PARP15: variants seen among roughly 807,000 people sequenced by gnomAD.
PARP15 encodes the protein poly(ADP-ribose) polymerase family member 15.
A neutral mutation model predicts 62.1 loss-of-function variants in PARP15; 50 were observed. That is an observed-to-expected ratio of 0.81 (90% CI 0.64 to 1.02). PARP15 has a LOEUF of 1.02. PARP15 is among the 50% of genes least tolerant of loss of function. The pLI is 0.00. For synonymous variants in PARP15, 309 were observed against 293.1 expected, an observed-to-expected ratio of 1.05 and a Z score of -0.55; for missense variants, 820 against 826.5, an observed-to-expected ratio of 0.99 and a Z score of 0.10.
At chr3:122,598,602 A>C (rs1934539029) in intron 1 of PARP15, among the ~76,000 whole-genome samples, 1 of 152,194 alleles carries the variant, frequency 6.6e-6, no homozygotes, top group African/African-American at 2.4e-5. Context: ...AGAGCGCAGA[A>C]AGCTGCAGTG....
Position 122,626,900 on chromosome 3 carries a change from T to A in PARP15, c.1305T>A (p.His435Gln), listed in dbSNP as rs760610968. Residue 435 changes from histidine to glutamine, a missense_variant, in exon 9 of 12, where the codon CAT becomes CAA. Physicochemically the swap from His to Gln is conservative, Grantham distance 24. Around this residue, in one of 3 missense-constraint regions of PARP15, gnomAD observed 731 missense variants for 727.7 expected, o/e 1.00. Transcript: ENST00000464300. ...IDAIVDFSSQ[H>Q]STPSLKTVKV... ...CTATTGTAGACTTCTCATCACAACA[T>A]TCCACCCCATCATTAAAAACAGTTA... 6.2e-7 allele frequency: 1 copy of A among 1,614,102 alleles called. No individual in the cohort carries two copies. Among genetic ancestry groups the A allele is most frequent in the Non-Finnish European group, 8.5e-7 (1 of 1,179,982 alleles).
chr3:122,594,908 T>G (rs1934215820), intron 1 of PARP15: 1 of 958,790 alleles, frequency 1.0e-6, no homozygotes, highest in South Asian at 4.8e-5. Flanking sequence ...ATCCCAAAAA[T>G]GGAAGAGAAA....
chr3:122,577,863 G>A lies in PARP15; in HGVS notation c.186+10G>A, dbSNP rs768769981. The A allele has an allele frequency of 1.3e-6, 2 of 1,537,322 alleles. No individual in the cohort carries two copies. Among genetic ancestry groups the A allele is most frequent in the African/African-American group, 1.4e-5 (1 of 72,778 alleles). ...TTCCTCCCGGAGTATGGTGAGGAGC[G>A]CGGGGGACGGGTGCGGGAAGGGGAC... On this transcript the variant is annotated intron_variant, in intron 1 of 11. Transcript: ENST00000464300.
Position 122,636,040 on chromosome 3 carries a change from A to G in PARP15, c.1977A>G (p.Leu659=), listed in dbSNP as rs765328470. 6.2e-7 allele frequency: 1 copy of G among 1,614,080 alleles called. No homozygotes were observed. The highest frequency in any genetic ancestry group is 1.7e-5 in the Admixed American group (1 of 60,004). ...CAAACAATACACGATCTCCAAAGCTATTTGTGGTATTCTTTGATAATCAGG... is the reference window on the plus strand; with the variant it reads ...CAAACAATACACGATCTCCAAAGCTGTTTGTGGTATTCTTTGATAATCAGG... ...SVTNNTRSPK[L]FVVFFDNQAY... is the part of the protein sequence containing the mutation. The change falls in exon 12 of 12, where the codon CTA becomes CTG. Residue 659 remains leucine, a synonymous_variant. Coordinates refer to ENST00000464300, the MANE Select transcript of PARP15 (RefSeq NM_001113523.3).
intron 1 of PARP15, among the ~76,000 whole-genome samples, chr3:122,591,792 A>C (rs1933947669): frequency 6.8e-6 from 1 of 146,814 alleles, no homozygotes; most frequent in Non-Finnish European, 1.5e-5. Context: ...GGTATTGATA[A>C]GACAGACTAT....
chr3:122,610,544 A>G lies in PARP15; in HGVS notation c.357A>G (p.Gly119=). 1 of 1,551,684 alleles carries G rather than the reference A, an allele frequency of 6.4e-7. No individual in the cohort carries two copies. The highest frequency in any genetic ancestry group is 2.0e-5 in the Admixed American group (1 of 50,998). The change falls in exon 3 of 12, where the codon GGA becomes GGG. Residue 119 remains glycine (G), a synonymous_variant. Coordinates refer to ENST00000464300, the MANE Select transcript of PARP15 (RefSeq NM_001113523.3). The part of the protein sequence containing the change: ...SVPMNLQLGG[G]PLSRAFLQKA... ...CCATGAATCTTCAGCTTGGAGGAGG[A>G]CCACTATCTCGGGCATTTTTGCAGA...
chr3:122,610,584 C>T lies in PARP15; in HGVS notation c.397C>T (p.Leu133Phe). ...ATTTTTGCAGAAAGCTGGTCCCATG[C>T]TCCAGAAAGAGTTAGATGACAGAAG... ...RAFLQKAGPM[L>F]QKELDDRRRE... is the part of the protein sequence containing the mutation. The change falls in exon 3 of 12, where the codon CTC (leucine) becomes TTC (phenylalanine). Residue 133 changes from leucine to phenylalanine, a missense_variant. By Grantham distance (22) the Leu-to-Phe change is conservative (BLOSUM62 0). Coordinates refer to ENST00000464300, the MANE Select transcript of PARP15 (RefSeq NM_001113523.3). The T allele has an allele frequency of 1.3e-6, 2 of 1,551,714 alleles. No homozygotes were observed. The highest frequency in any genetic ancestry group is 1.7e-6 in the Non-Finnish European group (2 of 1,147,012).
intron 6 of PARP15, among the ~76,000 whole-genome samples, chr3:122,617,821 C>T (rs1936085167): frequency 3.3e-5 from 5 of 152,334 alleles, no homozygotes; most frequent in South Asian, 4.1e-4. Context: ...CTCTGCCTCC[C>T]GGGTTCAAGT....
chr3:122,627,339 G>A (rs1936799691), intron 9 of PARP15, among the ~76,000 whole-genome samples: 1 of 152,150 alleles, frequency 6.6e-6, no homozygotes, highest in Non-Finnish European at 1.5e-5. Context: ...TTATTGATTG[G>A]TTGGTATTGA....
intron 2 of PARP15, among the ~76,000 whole-genome samples, chr3:122,609,878 C>T (rs1935441222): frequency 6.6e-6 from 1 of 152,240 alleles, no homozygotes; most frequent in East Asian, 1.9e-4. Context: ...ACCAAAGGAA[C>T]AGCCTTAGCA....
intron 2 of PARP15, among the ~76,000 whole-genome samples, chr3:122,607,503 C>A (rs1013305020): frequency 6.6e-6 from 1 of 152,130 alleles, no homozygotes; most frequent in Non-Finnish European, 1.5e-5. Context: ...AACCACTTAT[C>A]CCCTGCCTTG....
At position 122,613,112 on chromosome 3, in the gene PARP15, C is replaced by A; in HGVS notation, c.615C>A (p.Pro205=). 6.4e-7 allele frequency: 1 copy of A among 1,551,774 alleles called. No homozygotes were observed. The highest frequency in any genetic ancestry group is 1.2e-5 in the South Asian group (1 of 84,052). Reference sequence around the variant, plus strand: ...TATCTTTCTCATCAATCACATTTCCCATGATTGGAACAGGAAGTTTGCAGT... The same window carrying A: ...TATCTTTCTCATCAATCACATTTCCAATGATTGGAACAGGAAGTTTGCAGT... ...EVLSFSSITF[P]MIGTGSLQFP... is the part of the protein sequence containing the mutation. Residue 205 remains proline (P), a synonymous_variant, in exon 4 of 12, where the codon CCC becomes CCA. Transcript: ENST00000464300.
In PARP15 at chr3:122,602,698, A is replaced by T. The variant is rs192331885; in HGVS notation, c.187-3238A>T. Reference sequence around the variant, plus strand: ...AGAGGTTATTTTGAATTGCTCCTGCATTGTTGCTTGTATTTATTGAATCTC... The same window carrying T: ...AGAGGTTATTTTGAATTGCTCCTGCTTTGTTGCTTGTATTTATTGAATCTC... On this transcript the variant is annotated intron_variant, in intron 1 of 11. Transcript: ENST00000464300. Among the ~76,000 whole-genome samples, 140 of 152,288 alleles carry T rather than the reference A, an allele frequency of 9.2e-4. 1 individual carries two copies. In the East Asian group the frequency reaches 0.012, roughly 13 times the overall value.
rs529405973 is a variant in PARP15 at position 122,621,677 on chromosome 3, C to A, written c.1231+66C>A. 19 of 1,431,866 alleles carry A rather than the reference C, an allele frequency of 1.3e-5. No homozygotes were observed. In the South Asian group the frequency reaches 2.3e-4, roughly 18 times the overall value. The allele number at this position is 1,431,866 out of a possible 1,614,324, so 88.7% of individuals were successfully genotyped here. ...AAATTCCTTTAGAATTAGTCTCACT[C>A]TTAAGCAGATCAGTGCTGAATCCAT... On this transcript the variant is annotated intron_variant, in intron 8 of 11. Coordinates refer to ENST00000464300, the MANE Select transcript of PARP15 (RefSeq NM_001113523.3).
At chr3:122,580,280 G>A (rs1215552132) in intron 1 of PARP15, among the ~76,000 whole-genome samples, 1 of 151,636 alleles carries the variant, frequency 6.6e-6, no homozygotes, top group African/African-American at 2.4e-5. Context: ...TTGTGGATTT[G>A]TTTATTTTCT....
chr3:122,634,987 T>A, intron 10 of PARP15, 33 bp from the exon 11 acceptor site: 1 of 1,609,124 alleles, frequency 6.2e-7, no homozygotes, highest in Non-Finnish European at 8.5e-7. Context: ...CCCAAGGTCC[T>A]TTCTGAAATA....
chr3:122,589,750 G>A (rs942661943), intron 1 of PARP15, among the ~76,000 whole-genome samples: 1 of 151,984 alleles, frequency 6.6e-6, no homozygotes, highest in Non-Finnish European at 1.5e-5. Context: ...ACTTGTAAGG[G>A]ATCTTTATAT....
intron 1 of PARP15, among the ~76,000 whole-genome samples, chr3:122,593,471 A>C (rs1441380242): frequency 4.6e-5 from 7 of 152,106 alleles, no homozygotes; most frequent in Non-Finnish European, 1.0e-4. Flanking sequence ...GTTTTTATCT[A>C]TGTTATTAAG....
At chr3:122,603,589 A>G (rs142471948) in intron 1 of PARP15, among the ~76,000 whole-genome samples, 1 of 152,314 alleles carries the variant, frequency 6.6e-6, no homozygotes, top group Non-Finnish European at 1.5e-5. Context: ...ATTAAAGACA[A>G]TAAGAGAAAG....
Sources: gnomAD v4.1 joint callset for allele counts (sites outside exome capture counted in the v4.1 genomes callset) on GRCh38, gnomAD v4.1.1 for gene constraint, gnomAD v4.1.1 regional missense constraint, MANE v1.5 for transcripts, NCBI Gene and HGNC (gene_info 2026-07-23, HGNC 2026-07-21) for gene names.